The following PPFIA2 variants were observed in gnomAD, a reference collection of about 807,000 sequenced individuals.
PPFIA2 encodes PPFI scaffold protein A2, also known as liprin-alpha-2.
Under a neutral mutation model 175.5 loss-of-function variants are expected in PPFIA2, and 46 were observed. That is an observed-to-expected ratio of 0.26 (90% CI 0.21 to 0.34). The LOEUF is 0.34. PPFIA2 is among the 10% of genes least tolerant of loss of function. The pLI, the probability that PPFIA2 is intolerant of heterozygous loss-of-function variation, is 1.00. For missense variants in PPFIA2, 1,179 were observed against 1,506.1 expected (o/e 0.78, Z 3.60); for synonymous variants, 568 against 511.4 (o/e 1.11, Z -1.49).
intron 21 of PPFIA2, among the ~76,000 whole-genome samples, chr12:81,328,173 G>A (rs1335098469): frequency 2.6e-5 from 4 of 152,110 alleles, no homozygotes; most frequent in Non-Finnish European, 5.9e-5. Context: ...GCTGGTAAGG[G>A]TGACCTTAGC....
chr12:81,723,181 T>G (rs1471812879), intron 3 of PPFIA2, among the ~76,000 whole-genome samples: 2 of 151,020 alleles, frequency 1.3e-5, no homozygotes, highest in African/African-American at 2.4e-5. Context: ...CTCTACTAAC[T>G]GCATGCAAAC....
Position 81,681,173 on chromosome 12 carries a change from C to T in PPFIA2, c.250-4329G>A, listed in dbSNP as rs543900906. Among the ~76,000 whole-genome samples, 4 of 152,080 alleles carry T rather than the reference C, an allele frequency of 2.6e-5. No homozygotes were observed. In the South Asian group the frequency reaches 8.3e-4, roughly 32 times the overall value. ...GCATGCTGCTTCACACTGGTATCCT[C>T]AATCATATGAATTTTTATCATCAAT... On this transcript the variant is annotated intron_variant, in intron 3 of 32. Coordinates refer to ENST00000549396, the MANE Select transcript of PPFIA2 (RefSeq NM_003625.5).
At chr12:81,329,213 A>T (rs2055555004) in intron 21 of PPFIA2, among the ~76,000 whole-genome samples, 1 of 152,164 alleles carries the variant, frequency 6.6e-6, no homozygotes, top group Non-Finnish European at 1.5e-5. Context: ...TGTGGAAAGA[A>T]CACAATGAAC....
At chr12:81,311,811 C>T (rs2139133451) in intron 22 of PPFIA2, among the ~76,000 whole-genome samples, 1 of 151,152 alleles carries the variant, frequency 6.6e-6, no homozygotes, top group South Asian at 2.1e-4. Context: ...ATCAATAGTA[C>T]CTGAGTGGTC....
intron 9 of PPFIA2, among the ~76,000 whole-genome samples, chr12:81,383,219 C>G (rs2038145241): frequency 6.6e-6 from 1 of 152,150 alleles, no homozygotes; most frequent in South Asian, 2.1e-4. Context: ...TGATGAACAA[C>G]TAGCTAGTTA....
At chr12:81,529,918 T>G (rs1882531) in intron 4 of PPFIA2, among the ~76,000 whole-genome samples, 3 of 151,686 alleles carry the variant, frequency 2.0e-5, no homozygotes, top group Admixed American at 2.0e-4. Context: ...AAAAAAACCA[T>G]GGCACAAGTT....
intron 4 of PPFIA2, among the ~76,000 whole-genome samples, chr12:81,658,892 T>C (rs1021397682): frequency 5.9e-5 from 9 of 152,186 alleles, no homozygotes; most frequent in African/African-American, 2.2e-4. Context: ...TATGGAATTC[T>C]AGGGAGCAAA....
intron 23 of PPFIA2, among the ~76,000 whole-genome samples, chr12:81,297,912 G>C (rs2046884026): frequency 6.6e-6 from 1 of 152,190 alleles, no homozygotes; most frequent in African/African-American, 2.4e-5. Context: ...CATTCATCTT[G>C]TTTATTCCAT....
intron 4 of PPFIA2, among the ~76,000 whole-genome samples, chr12:81,645,745 G>C (rs2065970322): frequency 6.6e-6 from 1 of 152,208 alleles, no homozygotes; most frequent in African/African-American, 2.4e-5. Flanking sequence ...GTGGGTAGTA[G>C]GGAGGCAAGT....
At chr12:81,643,943 C>G (rs529059049) in intron 4 of PPFIA2, among the ~76,000 whole-genome samples, 5 of 151,998 alleles carry the variant, frequency 3.3e-5, no homozygotes, top group Admixed American at 6.6e-5. Context: ...TAGCAACAAA[C>G]TTTTCCCCAA....
intron 7 of PPFIA2, among the ~76,000 whole-genome samples, chr12:81,410,249 A>T (rs1327321929): frequency 6.6e-6 from 1 of 152,156 alleles, no homozygotes; most frequent in East Asian, 1.9e-4. Context: ...GCACAAATGG[A>T]CTAAGAAGTA....
chr12:81,450,143 G>T (rs1480182226), intron 5 of PPFIA2, among the ~76,000 whole-genome samples: 1 of 152,128 alleles, frequency 6.6e-6, no homozygotes, highest in Admixed American at 6.5e-5. Flanking sequence ...ATAATCCTTT[G>T]GGTATATACC....
chr12:81,648,059 T>C (rs1287341450), intron 4 of PPFIA2, among the ~76,000 whole-genome samples: 1 of 150,272 alleles, frequency 6.7e-6, no homozygotes, highest in Non-Finnish European at 1.5e-5. Context: ...TATCCAGAAT[T>C]ACAGAAAAAG....
At chr12:81,563,684 G>A (rs542453394) in intron 4 of PPFIA2, among the ~76,000 whole-genome samples, 1 of 152,220 alleles carries the variant, frequency 6.6e-6, no homozygotes, top group Non-Finnish European at 1.5e-5. Context: ...TCAGCTAATT[G>A]AACTGCTTTA....
At chr12:81,390,244 C>T (rs1281377606) in intron 8 of PPFIA2, among the ~76,000 whole-genome samples, 1 of 152,026 alleles carries the variant, frequency 6.6e-6, no homozygotes, top group Non-Finnish European at 1.5e-5. Flanking sequence ...CTGCCGTGAA[C>T]TTTTGTGTAT....
chr12:81,479,292 C>T lies in PPFIA2; in HGVS notation c.304-21426G>A, dbSNP rs574641444. ...TCCACTTGCTTGGTAAATATTCCTC[C>T]GTCCCTTTATTTTCAGCCTATGTGT... is the stretch of plus-strand genomic sequence containing the variant. On this transcript the variant is annotated intron_variant, in intron 4 of 32. Coordinates refer to ENST00000549396, the MANE Select transcript of PPFIA2 (RefSeq NM_003625.5). Among the ~76,000 whole-genome samples, 5 of 152,174 alleles carry T rather than the reference C, an allele frequency of 3.3e-5. No individual in the cohort carries two copies. The South Asian group carries it at 6.2e-4, about 19-fold the overall frequency.
intron 3 of PPFIA2, among the ~76,000 whole-genome samples, chr12:81,692,649 C>T (rs747674420): frequency 3.9e-5 from 6 of 151,946 alleles, no homozygotes; most frequent in Non-Finnish European, 7.4e-5. Flanking sequence ...AATTACACTT[C>T]GAAAAGCAAA....
At chr12:81,448,114 T>C (rs1217229322) in intron 5 of PPFIA2, among the ~76,000 whole-genome samples, 1 of 152,094 alleles carries the variant, frequency 6.6e-6, no homozygotes, top group Admixed American at 6.6e-5. Flanking sequence ...ATATAAAATA[T>C]CCACCCTCTA....
chr12:81,727,350 T>A (rs1377389886), intron 3 of PPFIA2, among the ~76,000 whole-genome samples: 1 of 151,432 alleles, frequency 6.6e-6, no homozygotes, highest in African/African-American at 2.4e-5. Flanking sequence ...CGCCACTTCT[T>A]GGCTGTTTCG....
Sources: gnomAD v4.1 joint callset for allele counts (sites outside exome capture counted in the v4.1 genomes callset) on GRCh38, gnomAD v4.1.1 for gene constraint, MANE v1.5 for transcripts, NCBI Gene and HGNC (gene_info 2026-07-23, HGNC 2026-07-21) for gene names.